The following FBLN2 variants were observed in gnomAD, a reference collection of about 807,000 sequenced individuals.
FBLN2 encodes the protein fibulin 2.
FBLN2 carries 81 observed loss-of-function variants against 123.7 expected under a neutral mutation model. That is an observed-to-expected ratio of 0.65 (90% confidence interval 0.55 to 0.79). The LOEUF (loss-of-function observed/expected upper bound fraction) is 0.79, where lower values mean the gene tolerates loss of function less well. Among genes scored for constraint, FBLN2 ranks in the 30% least tolerant of loss-of-function variants. The pLI is 0.00. For synonymous variants in FBLN2, 699 were observed against 701.4 expected (o/e 1.00, Z 0.05); for missense variants, 1,603 against 1,681.3 (o/e 0.95, Z 0.81).
At chr3:13,589,348 G>A (rs2124853055) in intron 2 of FBLN2, among the ~76,000 whole-genome samples, 1 of 152,238 alleles carries the variant, frequency 6.6e-6, no homozygotes, top group Non-Finnish European at 1.5e-5. Context: ...AGCTTTCTAA[G>A]GAGCAGCTGG....
At chr3:13,565,115 A>G (rs1020417132) in intron 1 of FBLN2, among the ~76,000 whole-genome samples, 12 of 152,096 alleles carry the variant, frequency 7.9e-5, no homozygotes, top group African/African-American at 2.9e-4. Context: ...CCCTGGGGAG[A>G]CCCTGGCTGA....
At chr3:13,620,526 G>A (rs995298225) in intron 8 of FBLN2, among the ~76,000 whole-genome samples, 4 of 152,162 alleles carry the variant, frequency 2.6e-5, no homozygotes, top group Non-Finnish European at 5.9e-5. Context: ...CTAGGTCTGG[G>A]TCTTGTCTTT....
At chr3:13,624,931 T>C (rs544789979) in intron 9 of FBLN2, among the ~76,000 whole-genome samples, 79 of 152,258 alleles carry the variant, frequency 5.2e-4, no homozygotes, top group Non-Finnish European at 9.4e-4. Flanking sequence ...TCTGAGTTGG[T>C]GGCCTCTGTG....
intron 2 of FBLN2, among the ~76,000 whole-genome samples, chr3:13,600,145 T>A (rs886482493): frequency 6.2e-5 from 9 of 144,498 alleles, no homozygotes; most frequent in Non-Finnish European, 1.5e-5. Context: ...GGAGAGGAGG[T>A]GACTGCTGGG....
At position 13,571,432 on chromosome 3, in the gene FBLN2, A is replaced by T; in HGVS notation, c.1077A>T (p.Ala359=). ...CTGGGCCGGAGGGCGTGACGCATGC[A>T]CCGAGCCTGGGCAAGGCTGCTCTCG... The part of the protein sequence containing the change: ...RSTGPEGVTH[A]PSLGKAALVP... The change falls in exon 2 of 18, where the codon GCA becomes GCT. Residue 359 remains alanine (A), a synonymous_variant. Transcript: ENST00000404922. The T allele has an allele frequency of 1.2e-6, 2 of 1,612,906 alleles. No individual in the cohort carries two copies. The highest frequency in any genetic ancestry group is 1.7e-6 in the Non-Finnish European group (2 of 1,179,586).
At position 13,627,982 on chromosome 3, in the gene FBLN2, T is replaced by C; in HGVS notation, c.2569+13T>C. 6.2e-7 allele frequency: 1 copy of C among 1,611,736 alleles called. No individual in the cohort carries two copies. The highest frequency in any genetic ancestry group is 8.5e-7 in the Non-Finnish European group (1 of 1,178,592). On this transcript the variant is annotated intron_variant, in intron 11 of 17. Transcript: ENST00000404922. ...GGCAACTGTGTGGGTGAGCGGGGGCTGCAGGGCTGGGGATCATCAGCCTAG... is the reference window on the plus strand; with the variant it reads ...GGCAACTGTGTGGGTGAGCGGGGGCCGCAGGGCTGGGGATCATCAGCCTAG...
intron 2 of FBLN2, among the ~76,000 whole-genome samples, chr3:13,602,511 G>A (rs1705065882): frequency 6.6e-6 from 1 of 152,192 alleles, no homozygotes; most frequent in Admixed American, 6.5e-5. Flanking sequence ...AGAGTAAGTA[G>A]AGGAGAATTG....
chr3:13,606,172 T>C (rs1340457810), intron 2 of FBLN2, among the ~76,000 whole-genome samples: 1 of 152,196 alleles, frequency 6.6e-6, no homozygotes, highest in Non-Finnish European at 1.5e-5. Context: ...AATGCTGGGA[T>C]ACAGGCGTGA....
At chr3:13,568,809 T>G in intron 1 of FBLN2, 1 of 985,648 alleles carries the variant, frequency 1.0e-6, no homozygotes, top group Non-Finnish European at 1.2e-6. Flanking sequence ...GATTTGCTCT[T>G]GGGTTTATTA....
intron 5 of FBLN2, among the ~76,000 whole-genome samples, chr3:13,617,199 CATCT>C (rs1381010909): frequency 6.7e-6 from 1 of 150,370 alleles, no homozygotes; most frequent in African/African-American, 2.4e-5. Context: ...TCCATCCATC[CATCT>C]ACCTACCTAC....
intron 2 of FBLN2, among the ~76,000 whole-genome samples, chr3:13,584,502 T>TG (rs1194351551): frequency 6.6e-6 from 1 of 152,194 alleles, no homozygotes. Flanking sequence ...TGCAGGTTAC[T>TG]GTGCAGTACC....
rs779395817 is a variant in FBLN2 at position 13,636,519 on chromosome 3, C to A, written c.3289C>A (p.Arg1097Ser). Residue 1097 changes from arginine (R) to serine (S), a missense_variant, in exon 17 of 18, where the codon CGC (arginine) becomes AGC (serine). Physicochemically the swap from Arg to Ser is moderately radical, Grantham distance 110 (BLOSUM62 -1). Transcript: ENST00000404922. ...CTGCCACAACATCCAGGGTAGCTTC[C>A]GCTGCCTGCGCTTCGAGTGTCCTCC... ...ETCHNIQGSF[R>S]CLRFECPPNY... 2 of 1,613,746 alleles carry A rather than the reference C, an allele frequency of 1.2e-6. No homozygotes were observed. Among genetic ancestry groups the A allele is most frequent in the Non-Finnish European group, 1.7e-6 (2 of 1,179,810 alleles).
chr3:13,564,896 G>A (rs1316784351), intron 1 of FBLN2, among the ~76,000 whole-genome samples: 1 of 152,202 alleles, frequency 6.6e-6, no homozygotes, highest in Admixed American at 6.5e-5. Flanking sequence ...GGTAGGTTGG[G>A]GCCCAGCCCT....
rs141612838 is a variant in FBLN2 at position 13,581,904 on chromosome 3, G to A, written c.1306+10243G>A. Among the ~76,000 whole-genome samples, 991 of 152,220 alleles carry A rather than the reference G, an allele frequency of 6.5e-3. 10 individuals are homozygous for A. Among genetic ancestry groups the A allele is most frequent in the African/African-American group, 0.023 (949 of 41,522 alleles). On this transcript the variant is annotated intron_variant, in intron 2 of 17. Coordinates refer to ENST00000404922, the MANE Select transcript of FBLN2 (RefSeq NM_001004019.2). ...GAACCCAGATCTGTTGACATAAAAG[G>A]CATCTCTGTGTTTTCTGCTTGGGTC...
intron 2 of FBLN2, among the ~76,000 whole-genome samples, chr3:13,605,602 C>A (rs138266820): frequency 2.6e-5 from 4 of 152,196 alleles, no homozygotes; most frequent in African/African-American, 4.8e-5. Flanking sequence ...TCCTCCCCCC[C>A]AGTGATGGAC....
At chr3:13,562,724 A>G (rs1390703658) in intron 1 of FBLN2, among the ~76,000 whole-genome samples, 2 of 152,162 alleles carry the variant, frequency 1.3e-5, no homozygotes, top group East Asian at 1.9e-4. Context: ...CGTTACCACT[A>G]TCTATTTCCA....
intron 2 of FBLN2, among the ~76,000 whole-genome samples, chr3:13,590,858 A>G (rs1424618836): frequency 6.6e-6 from 1 of 152,226 alleles, no homozygotes; most frequent in African/African-American, 2.4e-5. Flanking sequence ...CATGCTGCAC[A>G]CTGTTGCTGT....
At chr3:13,601,790 G>A (rs771617638) in intron 2 of FBLN2, among the ~76,000 whole-genome samples, 1 of 152,212 alleles carries the variant, frequency 6.6e-6, no homozygotes, top group African/African-American at 2.4e-5. Flanking sequence ...AGTGCTGACT[G>A]CTGTGAGAGG....
rs1706052424 is a variant in FBLN2, at chr3:13,626,676, C to G, written c.2431+97C>G. The G allele has an allele frequency of 3.8e-6, 5 of 1,315,534 alleles. No individual in the cohort carries two copies. In the East Asian group the frequency reaches 1.3e-4, roughly 34 times the overall value. The allele number at this position is 1,315,534 out of a possible 1,614,324, so 81.5% of individuals were successfully genotyped here. A position where few individuals can be genotyped will look rare whatever the true frequency, so the allele number is the denominator to read the frequency against. Reference sequence around the variant, plus strand: ...CCACCCCTGTCCTGCCCTGGCCACCCTTAGGCCTGGCCACGCCCCTCTCCA... The same window carrying G: ...CCACCCCTGTCCTGCCCTGGCCACCGTTAGGCCTGGCCACGCCCCTCTCCA... On this transcript the variant is annotated intron_variant, in intron 10 of 17. Transcript: ENST00000404922.
Sources: allele counts gnomAD v4.1 joint callset (sites outside exome capture counted in the v4.1 genomes callset), GRCh38; gene constraint gnomAD v4.1.1; transcripts MANE v1.5; gene names NCBI Gene and HGNC (gene_info 2026-07-23, HGNC 2026-07-21).